GLCCI1: variants seen among roughly 807,000 people sequenced by gnomAD.
The protein encoded by GLCCI1 is glucocorticoid induced 1, also known as glucocorticoid-induced transcript 1 protein.
GLCCI1 carries 24 observed loss-of-function variants against 52.2 expected under a neutral mutation model. The ratio of observed to expected loss-of-function variants is 0.46; its 90% CI spans 0.33 to 0.65. The LOEUF is 0.65. GLCCI1 is among the 30% of genes least tolerant of loss of function. The pLI, the probability that GLCCI1 is intolerant of heterozygous loss-of-function variation, is 0.02. For synonymous variants in GLCCI1, 310 were observed against 276.5 expected (o/e 1.12, Z -1.20); for missense variants, 704 against 701.5 (o/e 1.00, Z -0.04).
chr7:8,030,009 A>C (rs1403838164), intron 3 of GLCCI1, among the ~76,000 whole-genome samples: 1 of 152,206 alleles, frequency 6.6e-6, no homozygotes, highest in Non-Finnish European at 1.5e-5. Context: ...AATTCCTATC[A>C]AAATACCAAT....
intron 5 of GLCCI1, among the ~76,000 whole-genome samples, chr7:8,063,737 G>A (rs1004664005): frequency 2.0e-5 from 3 of 148,226 alleles, no homozygotes; most frequent in African/African-American, 7.5e-5. Context: ...TTCCACCTCA[G>A]CCTCCTGAGT....
chr7:8,048,683 T>C (rs1383028975), intron 3 of GLCCI1, among the ~76,000 whole-genome samples: 1 of 152,220 alleles, frequency 6.6e-6, no homozygotes, highest in African/African-American at 2.4e-5. Flanking sequence ...GGTAACCTGT[T>C]ACTCTTTCAT....
At chr7:8,058,843 TGC>T (rs1366671050) in intron 4 of GLCCI1, among the ~76,000 whole-genome samples, 1 of 152,222 alleles carries the variant, frequency 6.6e-6, no homozygotes, top group African/African-American at 2.4e-5. Flanking sequence ...AGCGTACTGT[TGC>T]ACAGAAGCCT....
rs754661569 is a variant in GLCCI1, at chr7:8,071,102, C to T, written c.1148C>T (p.Thr383Ile). Residue 383 changes from threonine (T) to isoleucine (I), a missense_variant, in exon 6 of 8, where the codon ACA becomes ATA. Coordinates refer to ENST00000223145, the MANE Select transcript of GLCCI1 (RefSeq NM_138426.4). ...PESQDGSPCS[T>I]EDLLYDRDKD... The stretch of plus-strand genomic sequence containing the variant: ...TCCCAGGATGGTAGCCCTTGCTCAA[C>T]AGAAGATTTGCTCTATGATCGTGAT... The T allele has an allele frequency of 4.3e-6, 7 of 1,614,006 alleles. 1 individual carries two copies. In the South Asian group the frequency reaches 7.7e-5, roughly 18 times the overall value.
At chr7:8,034,247 C>A (rs1562435977) in intron 3 of GLCCI1, among the ~76,000 whole-genome samples, 1 of 152,114 alleles carries the variant, frequency 6.6e-6, no homozygotes, top group Admixed American at 6.5e-5. Flanking sequence ...AGAGAAAAAT[C>A]AGCTTTCAGT....
At chr7:7,999,124 A>T (rs1160303084) in intron 1 of GLCCI1, among the ~76,000 whole-genome samples, 4 of 152,208 alleles carry the variant, frequency 2.6e-5, no homozygotes, top group South Asian at 2.1e-4. Flanking sequence ...CAGAGTAGTT[A>T]TAGAAAGTGA....
chr7:7,983,446 T>C (rs1392240238), intron 1 of GLCCI1, among the ~76,000 whole-genome samples: 3 of 152,150 alleles, frequency 2.0e-5, no homozygotes, highest in Non-Finnish European at 4.4e-5. Flanking sequence ...GAGGCTTTGA[T>C]AGTTTAGTTA....
chr7:8,078,014 A>C (rs144826332), intron 6 of GLCCI1, among the ~76,000 whole-genome samples: 13,325 of 151,792 alleles, frequency 0.088, 647 homozygotes, highest in East Asian at 0.19. Flanking sequence ...GCAGGCGGAT[A>C]ACGAGGTCAG....
At chr7:7,992,137 T>C (rs958918435) in intron 1 of GLCCI1, among the ~76,000 whole-genome samples, 1 of 151,156 alleles carries the variant, frequency 6.6e-6, no homozygotes, top group African/African-American at 2.4e-5. Context: ...CTCATATATA[T>C]ATATATCTGG....
intron 1 of GLCCI1, among the ~76,000 whole-genome samples, chr7:8,002,522 G>A (rs1410856395): frequency 6.6e-6 from 1 of 152,066 alleles, no homozygotes; most frequent in Non-Finnish European, 1.5e-5. Flanking sequence ...CAATTCTTGG[G>A]TCAAAGGAAA....
chr7:8,080,551 A>G (rs928958572), intron 6 of GLCCI1, among the ~76,000 whole-genome samples: 1 of 151,480 alleles, frequency 6.6e-6, no homozygotes, highest in African/African-American at 2.5e-5. Context: ...CATGTCAGGC[A>G]GTTATAAACC....
At chr7:7,994,057 C>T (rs1324476426) in intron 1 of GLCCI1, among the ~76,000 whole-genome samples, 1 of 152,146 alleles carries the variant, frequency 6.6e-6, no homozygotes, top group Non-Finnish European at 1.5e-5. Flanking sequence ...TGTCACAGAC[C>T]AGCATGGCCA....
At chr7:8,061,663 T>TTTC (rs1308963459) in intron 5 of GLCCI1, among the ~76,000 whole-genome samples, 4 of 66,130 alleles carry the variant, frequency 6.0e-5, no homozygotes, top group Admixed American at 1.6e-4. Context: ...AACTCTTTTT[T>TTTC]TTTTTTTTTT....
chr7:7,992,521 G>A (rs963119174), intron 1 of GLCCI1, among the ~76,000 whole-genome samples: 1 of 152,056 alleles, frequency 6.6e-6, no homozygotes, highest in Admixed American at 6.6e-5. Context: ...CTTTATACTT[G>A]AAGGTCACTT....
At chr7:8,027,290 C>G (rs771674932) in intron 3 of GLCCI1, among the ~76,000 whole-genome samples, 5 of 152,194 alleles carry the variant, frequency 3.3e-5, no homozygotes, top group Admixed American at 1.3e-4. Context: ...GAGTTTGAGA[C>G]CAGCCTGGCC....
chr7:8,009,989 CTT>C (rs1364720195), intron 2 of GLCCI1, among the ~76,000 whole-genome samples: 1 of 146,382 alleles, frequency 6.8e-6, no homozygotes, highest in African/African-American at 2.5e-5. Context: ...TTTTCTTAAT[CTT>C]ATTTAAACAT....
chr7:8,009,258 A>T (rs1160758164), intron 2 of GLCCI1, among the ~76,000 whole-genome samples: 1 of 152,204 alleles, frequency 6.6e-6, no homozygotes. Context: ...TTGAACTTGC[A>T]ATTAAGGTTA....
At chr7:8,068,799 C>T (rs1045279720) in intron 5 of GLCCI1, among the ~76,000 whole-genome samples, 9 of 152,136 alleles carry the variant, frequency 5.9e-5, no homozygotes, top group African/African-American at 2.2e-4. Context: ...TTTGTACAGT[C>T]GGTTGACTTT....
At position 7,987,426 on chromosome 7, in the gene GLCCI1, C is replaced by A. The variant is rs544240110; in HGVS notation, c.458-16482C>A. 3.3e-5 allele frequency among the ~76,000 whole-genome samples: 5 copies of A among 152,316 alleles called. No individual in the cohort carries two copies. The East Asian group carries it at 9.6e-4, about 29-fold the overall frequency. Reference sequence around the variant, plus strand: ...TACATCGTACTGTCACTATTTAAGACACTTGTCATCTCATCTGAAATGTCA... The same window carrying A: ...TACATCGTACTGTCACTATTTAAGAAACTTGTCATCTCATCTGAAATGTCA... On this transcript the variant is annotated intron_variant, in intron 1 of 7. Transcript: ENST00000223145.
Sources: allele counts gnomAD v4.1 joint callset (sites outside exome capture counted in the v4.1 genomes callset), GRCh38; gene constraint gnomAD v4.1.1; transcripts MANE v1.5; gene names NCBI Gene and HGNC (gene_info 2026-07-23, HGNC 2026-07-21).